The following TSPEAR variants were observed in gnomAD, a reference collection of about 807,000 sequenced individuals.
TSPEAR encodes thrombospondin type laminin G domain and EAR repeats.
A neutral mutation model predicts 71.6 loss-of-function variants in TSPEAR; 69 were observed. That is an observed-to-expected ratio of 0.96 (90% confidence interval 0.79 to 1.18). The LOEUF (loss-of-function observed/expected upper bound fraction) is 1.18, where lower values mean the gene tolerates loss of function less well. Ranked by LOEUF, TSPEAR falls within the 50% of genes most tolerant of loss-of-function variation. TSPEAR has a pLI of 0.00. For synonymous variants in TSPEAR, 402 were observed against 387.2 expected, an observed-to-expected ratio of 1.04 and a Z score of -0.45; for missense variants, 971 against 894.9, an observed-to-expected ratio of 1.09 and a Z score of -1.09.
intron 1 of TSPEAR, chr21:44,601,936 C>G (rs1231279645): frequency 1.3e-6 from 1 of 768,278 alleles, no homozygotes; most frequent in Admixed American, 2.9e-5. Flanking sequence ...AATTACCCAG[C>G]CCTGCTTCCC....
chr21:44,562,854 C>G (rs587679640), intron 2 of TSPEAR, among the ~76,000 whole-genome samples: 1 of 152,130 alleles, frequency 6.6e-6, no homozygotes, highest in Non-Finnish European at 1.5e-5. Flanking sequence ...ATGCATCTTA[C>G]GAGTCATACT....
intron 1 of TSPEAR, among the ~76,000 whole-genome samples, chr21:44,611,739 A>C (rs1203103618): frequency 5.3e-5 from 8 of 152,170 alleles, no homozygotes; most frequent in African/African-American, 1.9e-4. Flanking sequence ...AAAGACATAC[A>C]GGCAAAGACA....
Position 44,687,361 on chromosome 21 carries a change from A to G in TSPEAR, c.82+24072T>C, listed in dbSNP as rs1448816169. ...GGCACACTTGTCCCACTGTATCATA[A>G]CAGAAAAAACCGGAACGGCCCATGT... On this transcript the variant is annotated intron_variant, in intron 1 of 11. Coordinates refer to ENST00000323084, the MANE Select transcript of TSPEAR (RefSeq NM_144991.3). This position sits in a 1 kb window ranked among gnomAD's most constrained non-coding sequence, Gnocchi z 4.4. Among the ~76,000 whole-genome samples the G allele has an allele frequency of 6.6e-6, 1 of 152,184 alleles. No individual in the cohort carries two copies. Among genetic ancestry groups the G allele is most frequent in the Non-Finnish European group, 1.5e-5 (1 of 68,026 alleles).
chr21:44,548,497 G>C (rs141244634), intron 2 of TSPEAR, among the ~76,000 whole-genome samples: 2 of 152,184 alleles, frequency 1.3e-5, no homozygotes, highest in African/African-American at 2.4e-5. Flanking sequence ...AAGTGATGGC[G>C]GAGGAAGCCC....
chr21:44,689,268 C>T (rs779182663), intron 1 of TSPEAR, among the ~76,000 whole-genome samples: 3 of 152,106 alleles, frequency 2.0e-5, no homozygotes, highest in African/African-American at 4.8e-5. Context: ...TTTGGGAGGC[C>T]GAGGCGGGCG....
intron 1 of TSPEAR, among the ~76,000 whole-genome samples, chr21:44,707,304 G>GA (rs1281934212): frequency 6.6e-6 from 1 of 151,940 alleles, no homozygotes; most frequent in African/African-American, 2.4e-5. Flanking sequence ...ACGCGGGGTG[G>GA]GGGGGGGTGC....
At chr21:44,629,291 T>G (rs1338582715) in intron 1 of TSPEAR, among the ~76,000 whole-genome samples, 3 of 152,128 alleles carry the variant, frequency 2.0e-5, no homozygotes, top group Non-Finnish European at 2.9e-5. Flanking sequence ...GTCCACGGAC[T>G]GGGGGCTCGA....
intron 7 of TSPEAR, among the ~76,000 whole-genome samples, 184 bp downstream of exon 7, chr21:44,527,108 A>G (rs971248746): frequency 3.9e-5 from 6 of 152,164 alleles, no homozygotes; most frequent in African/African-American, 1.4e-4. Context: ...GACTGCCTCA[A>G]AGTCACATCC....
At chr21:44,682,828 G>A (rs1163611771) in intron 1 of TSPEAR, among the ~76,000 whole-genome samples, 1 of 152,198 alleles carries the variant, frequency 6.6e-6, no homozygotes, top group Admixed American at 6.5e-5. Context: ...GAGGAGGAAG[G>A]GGCCAGCGCT....
At chr21:44,645,940 C>T (rs1274851141) in intron 1 of TSPEAR, among the ~76,000 whole-genome samples, 1 of 151,106 alleles carries the variant, frequency 6.6e-6, no homozygotes, top group Non-Finnish European at 1.5e-5. Context: ...GAGTTCAAGA[C>T]CAGCCTGGCC....
intron 9 of TSPEAR, among the ~76,000 whole-genome samples, chr21:44,512,848 C>T (rs2052432046): frequency 6.6e-6 from 1 of 152,136 alleles, no homozygotes; most frequent in African/African-American, 2.4e-5. Flanking sequence ...TGTGTGGTCA[C>T]CTGCCTGGGT....
intron 9 of TSPEAR, chr21:44,519,393 C>G (rs587690173): frequency 6.6e-6 from 1 of 152,452 alleles, no homozygotes; most frequent in Non-Finnish European, 1.5e-5. Context: ...TCCCAATTTC[C>G]AGCCCATATC....
Position 44,553,631 on chromosome 21 carries a change from A to C in TSPEAR, c.303+14154T>G, listed in dbSNP as rs924011774. Among the ~76,000 whole-genome samples, 2 of 152,230 alleles carry C rather than the reference A, an allele frequency of 1.3e-5. 1 individual carries two copies. The highest frequency in any genetic ancestry group is 2.9e-5 in the Non-Finnish European group (2 of 68,032). On this transcript the variant is annotated intron_variant, in intron 2 of 11. Transcript: ENST00000323084. ...AAAAATAAGATCAAAGTAATAAAGA[A>C]ATAATTGAGGATCAGGTATTCTGGG...
intron 1 of TSPEAR, chr21:44,638,092 C>T: frequency 6.2e-7 from 1 of 1,613,658 alleles, no homozygotes; most frequent in Non-Finnish European, 8.5e-7. Flanking sequence ...GCACGGCCTC[C>T]TGTGTTTCCC....
In TSPEAR at chr21:44,572,834, G is replaced by GACACAC. The variant is rs71199612; in HGVS notation, c.83-4835_83-4830dup. 3.7e-3 allele frequency among the ~76,000 whole-genome samples: 468 copies of GACACAC among 124,886 alleles called. 3 individuals carry two copies. The highest frequency in any genetic ancestry group is 0.012 in the African/African-American group (392 of 32,240). 81.9% of individuals were successfully genotyped at this position (124,886 alleles called of 152,430 possible). A position where few individuals can be genotyped will look rare whatever the true frequency, so the allele number is the denominator to read the frequency against. Reference sequence around the variant, plus strand: ...TATCCTTATAAAAAGGGGAGATTTGGACACACACACACACACACACACACA... The same window carrying GACACAC: ...TATCCTTATAAAAAGGGGAGATTTGGACACACACACACACACACACACACACACACA... On this transcript the variant is annotated intron_variant, in intron 1 of 11. Coordinates refer to ENST00000323084, the MANE Select transcript of TSPEAR (RefSeq NM_144991.3).
At chr21:44,637,954 C>T (rs587714434) in intron 1 of TSPEAR, 1 of 1,614,098 alleles carries the variant, frequency 6.2e-7, no homozygotes, top group African/African-American at 1.3e-5. Flanking sequence ...CTGCTTGCTG[C>T]ACCGCCTCCT....
At chr21:44,658,360 T>A in intron 1 of TSPEAR, 1 of 1,259,824 alleles carries the variant, frequency 7.9e-7, no homozygotes, top group Non-Finnish European at 1.1e-6. Context: ...ATAGGGCAGA[T>A]GAAAAGCATG....
In TSPEAR at chr21:44,593,742, C is replaced by A. The variant is rs587748017; in HGVS notation, c.83-25737G>T. On this transcript the variant is annotated intron_variant, in intron 1 of 11. Transcript: ENST00000323084. The surrounding 1 kb of genome is among the most constrained non-coding windows in gnomAD (Gnocchi z 5.9). Reference sequence around the variant, plus strand: ...GCCGCGCCAGGCAAGGGACAAGCCGCGTGCCCTACACTGAGAGGACGGACT... The same window carrying A: ...GCCGCGCCAGGCAAGGGACAAGCCGAGTGCCCTACACTGAGAGGACGGACT... Among the ~76,000 whole-genome samples, 35 of 152,320 alleles carry A rather than the reference C, an allele frequency of 2.3e-4. No individual in the cohort carries two copies. The highest frequency in any genetic ancestry group is 3.7e-4 in the Non-Finnish European group (25 of 68,032).
intron 1 of TSPEAR, among the ~76,000 whole-genome samples, chr21:44,649,237 C>T (rs1237567009): frequency 2.6e-5 from 4 of 152,166 alleles, no homozygotes. Context: ...CACCCTCGCC[C>T]AGTTGTAAGG....
Sources: gnomAD v4.1 joint callset for allele counts (sites outside exome capture counted in the v4.1 genomes callset) on GRCh38, gnomAD v4.1.1 for gene constraint, Gnocchi (gnomAD v3.1) non-coding constraint, MANE v1.5 for transcripts, NCBI Gene and HGNC (gene_info 2026-07-23, HGNC 2026-07-21) for gene names.